SKAP2: variants seen among roughly 807,000 people sequenced by gnomAD.
The protein encoded by SKAP2 is src kinase-associated phosphoprotein 2.
SKAP2 carries 28 observed loss-of-function variants against 54.9 expected under a neutral mutation model. That is an observed-to-expected ratio of 0.51 (90% confidence interval 0.38 to 0.70). SKAP2 has a LOEUF of 0.70. SKAP2 is among the 30% of genes least tolerant of loss of function. The pLI, the probability that SKAP2 is intolerant of heterozygous loss-of-function variation, is 0.00. For missense variants in SKAP2, 356 were observed against 424.1 expected, an observed-to-expected ratio of 0.84 and a Z score of 1.41; for synonymous variants, 137 against 134.3, an observed-to-expected ratio of 1.02 and a Z score of -0.14.
chr7:26,785,323 A>G (rs1363916905), intron 4 of SKAP2, among the ~76,000 whole-genome samples: 1 of 151,994 alleles, frequency 6.6e-6, no homozygotes, highest in Non-Finnish European at 1.5e-5. Context: ...AGTAGCTGGG[A>G]CTACAGGCGC....
chr7:26,755,380 G>A (rs1782768045), intron 4 of SKAP2, among the ~76,000 whole-genome samples: 1 of 151,948 alleles, frequency 6.6e-6, no homozygotes, highest in South Asian at 2.1e-4. Flanking sequence ...TCATTAACTT[G>A]TCAAATGATG....
At chr7:26,750,020 C>A (rs1562596621) in intron 4 of SKAP2, among the ~76,000 whole-genome samples, 1 of 151,698 alleles carries the variant, frequency 6.6e-6, no homozygotes, top group African/African-American at 2.4e-5. Context: ...TTAAGTATTA[C>A]TAACTCTATA....
At chr7:26,811,450 T>A (rs896226781) in intron 4 of SKAP2, among the ~76,000 whole-genome samples, 1 of 152,196 alleles carries the variant, frequency 6.6e-6, no homozygotes, top group Non-Finnish European at 1.5e-5. Context: ...TCTTTCCCTG[T>A]CCCTACACCC....
chr7:26,693,595 T>C (rs1015135956), intron 9 of SKAP2, among the ~76,000 whole-genome samples: 6 of 152,166 alleles, frequency 3.9e-5, no homozygotes, highest in African/African-American at 1.2e-4. Context: ...AGAATAATGA[T>C]ATTAAAAGTA....
chr7:26,771,292 T>C (rs570432125), intron 4 of SKAP2, among the ~76,000 whole-genome samples: 48 of 152,338 alleles, frequency 3.2e-4, no homozygotes, highest in African/African-American at 1.1e-3. Context: ...GCCTGGTTTC[T>C]AAAACTTTTC....
intron 4 of SKAP2, among the ~76,000 whole-genome samples, chr7:26,769,573 T>G (rs1783139335): frequency 6.7e-6 from 1 of 150,366 alleles, no homozygotes; most frequent in Non-Finnish European, 1.5e-5. Flanking sequence ...TTGTGCTGGT[T>G]TTTCCTCATC....
chr7:26,845,845 C>A (rs1784909698), intron 3 of SKAP2, among the ~76,000 whole-genome samples: 1 of 152,032 alleles, frequency 6.6e-6, no homozygotes. Context: ...GGTAAGAGGA[C>A]CGCTTGAGCC....
Position 26,673,751 on chromosome 7 carries a change from C to T in SKAP2, c.988-3559G>A, listed in dbSNP as rs755813544. On this transcript the variant is annotated intron_variant, in intron 11 of 12. Transcript: ENST00000345317. ...ACTCCCATGTTTTCAATTTTCATAC[C>T]ATTATAGTCATTTTATTTGTTTTAT... Among the ~76,000 whole-genome samples the T allele has an allele frequency of 1.3e-3, 204 of 151,930 alleles. 1 individual carries two copies. The highest frequency in any genetic ancestry group is 3.7e-4 in the Non-Finnish European group (25 of 67,920).
chr7:26,655,901 G>A, the SKAP2 span, among the ~76,000 whole-genome samples: 1 of 152,164 alleles, frequency 6.6e-6, no homozygotes, highest in African/African-American at 2.4e-5. Flanking sequence ...GTGCTGTGGG[G>A]TTTTAGCATA....
intron 1 of SKAP2, among the ~76,000 whole-genome samples, chr7:26,863,546 C>G (rs1785310481): frequency 6.6e-6 from 1 of 152,090 alleles, no homozygotes; most frequent in Non-Finnish European, 1.5e-5. Context: ...TCTTAGTGAA[C>G]ATACACACCT....
intron 6 of SKAP2, among the ~76,000 whole-genome samples, chr7:26,738,019 G>A (rs1787978763): frequency 6.6e-6 from 1 of 152,168 alleles, no homozygotes; most frequent in African/African-American, 2.4e-5. Context: ...ACTGAGACAG[G>A]AAGATCACTT....
At chr7:26,728,261 T>C (rs1188217158) in intron 6 of SKAP2, among the ~76,000 whole-genome samples, 2 of 152,140 alleles carry the variant, frequency 1.3e-5, no homozygotes, top group African/African-American at 2.4e-5. Context: ...CCCAAAGATA[T>C]TAATAGGTTT....
At chr7:26,837,105 T>C (rs552693091) in intron 4 of SKAP2, among the ~76,000 whole-genome samples, 25 of 152,210 alleles carry the variant, frequency 1.6e-4, no homozygotes, top group African/African-American at 6.0e-4. Context: ...ACACATTGCA[T>C]GTTCTCACTC....
intron 4 of SKAP2, among the ~76,000 whole-genome samples, chr7:26,751,240 C>T (rs572878391): frequency 6.6e-6 from 1 of 151,830 alleles, no homozygotes; most frequent in Non-Finnish European, 1.5e-5. Context: ...CCCAAAACAA[C>T]CTTATTATTG....
At chr7:26,750,740 A>G (rs548321358) in intron 4 of SKAP2, among the ~76,000 whole-genome samples, 8 of 152,314 alleles carry the variant, frequency 5.3e-5, no homozygotes, top group African/African-American at 1.7e-4. Flanking sequence ...ACATGGAACA[A>G]ATTAGTAATG....
chr7:26,798,174 T>A (rs1242546765), intron 4 of SKAP2, among the ~76,000 whole-genome samples: 1 of 151,644 alleles, frequency 6.6e-6, no homozygotes, highest in Non-Finnish European at 1.5e-5. Context: ...AGAAAGGACT[T>A]TAAAAACAGC....
chr7:26,762,694 T>G (rs1162854206), intron 4 of SKAP2, among the ~76,000 whole-genome samples: 2 of 151,894 alleles, frequency 1.3e-5, no homozygotes, highest in African/African-American at 4.8e-5. Context: ...AAAAAAAAAT[T>G]GATGCCCATA....
chr7:26,851,080 C>T (rs1785029740), intron 3 of SKAP2, among the ~76,000 whole-genome samples: 1 of 151,902 alleles, frequency 6.6e-6, no homozygotes, highest in Non-Finnish European at 1.5e-5. Context: ...AAGATCTATG[C>T]AGCCTAGTGT....
intron 4 of SKAP2, among the ~76,000 whole-genome samples, chr7:26,841,049 T>C (rs1784807022): frequency 6.6e-6 from 1 of 152,068 alleles, no homozygotes; most frequent in Non-Finnish European, 1.5e-5. Context: ...GGTACTTTTT[T>C]CCAATGTACA....
Sources: allele counts gnomAD v4.1 joint callset (sites outside exome capture counted in the v4.1 genomes callset), GRCh38; gene constraint gnomAD v4.1.1; transcripts MANE v1.5; gene names NCBI Gene and HGNC (gene_info 2026-07-23, HGNC 2026-07-21).